TBC1D30: variants seen among roughly 807,000 people sequenced by gnomAD.
The protein encoded by TBC1D30 is TBC1 domain family member 30.
A neutral mutation model predicts 63.2 loss-of-function variants in TBC1D30; 31 were observed. That is an observed-to-expected ratio of 0.49 (90% CI 0.37 to 0.66). TBC1D30 has a LOEUF of 0.66. TBC1D30 is among the 30% of genes least tolerant of loss of function. The probability of loss-of-function intolerance (pLI) is 0.00; values close to 1 mark genes in which losing one functional copy is unlikely to be tolerated. For synonymous variants in TBC1D30, 307 were observed against 361.5 expected, an observed-to-expected ratio of 0.85 and a Z score of 1.71; for missense variants, 810 against 953.6, an observed-to-expected ratio of 0.85 and a Z score of 1.98.
At chr12:64,860,703 A>G (rs932806797) in intron 8 of TBC1D30, among the ~76,000 whole-genome samples, 3 of 152,102 alleles carry the variant, frequency 2.0e-5, no homozygotes, top group Non-Finnish European at 4.4e-5. Flanking sequence ...AAAACAAAGA[A>G]ACACTGGCTT....
chr12:64,865,555 A>G (rs1195202645), intron 9 of TBC1D30, among the ~76,000 whole-genome samples: 4 of 152,074 alleles, frequency 2.6e-5, no homozygotes, highest in Non-Finnish European at 5.9e-5. Flanking sequence ...CTAGAAATCG[A>G]TAAGAAAATG....
In TBC1D30 at chr12:64,814,058, C is replaced by CT. The variant is rs560436277; in HGVS notation, c.644-13768dup. ...TGGAATACAGGTGTTAAGGAAGGTACTTTTTTTTTGAGATAGGGTCTGGCT... is the reference window on the plus strand; with the variant it reads ...TGGAATACAGGTGTTAAGGAAGGTACTTTTTTTTTTGAGATAGGGTCTGGCT... On this transcript the variant is annotated intron_variant, in intron 2 of 12. Transcript: ENST00000542120. Among the ~76,000 whole-genome samples the CT allele has an allele frequency of 2.6e-3, 392 of 151,210 alleles. 3 individuals are homozygous for CT. Among genetic ancestry groups the CT allele is most frequent in the Non-Finnish European group, 4.5e-3 (305 of 67,680 alleles).
chr12:64,805,903 G>GATT (rs1872840532), intron 2 of TBC1D30, among the ~76,000 whole-genome samples: 1 of 152,052 alleles, frequency 6.6e-6, no homozygotes, highest in Non-Finnish European at 1.5e-5. Context: ...TAGTAAGGAG[G>GATT]ATTAATCCTA....
intron 8 of TBC1D30, among the ~76,000 whole-genome samples, chr12:64,861,532 T>C (rs17100721): frequency 0.043 from 6,517 of 152,334 alleles, 458 homozygotes; most frequent in African/African-American, 0.15. Flanking sequence ...CTTTTCTTTC[T>C]GTTCTAAGTG....
At chr12:64,852,787 G>A (rs995503311) in intron 8 of TBC1D30, among the ~76,000 whole-genome samples, 1 of 152,172 alleles carries the variant, frequency 6.6e-6, no homozygotes, top group Non-Finnish European at 1.5e-5. Context: ...GTCCACTCCA[G>A]ACCCTGTTTT....
At chr12:64,781,249 G>A in exon 1 of TBC1D30, 3 of 1,158,076 alleles carry the variant, frequency 2.6e-6, no homozygotes, top group Admixed American at 3.8e-5. Context: ...AGGAGCGACC[G>A]AGCCAGCGGC....
intron 11 of TBC1D30, among the ~76,000 whole-genome samples, chr12:64,871,621 G>A (rs765956004): frequency 6.6e-6 from 1 of 152,202 alleles, no homozygotes; most frequent in African/African-American, 2.4e-5. Context: ...TTTATCCTGA[G>A]TCATTAAGAA....
chr12:64,802,647 G>C (rs1021681119), intron 2 of TBC1D30, among the ~76,000 whole-genome samples: 1 of 151,144 alleles, frequency 6.6e-6, no homozygotes, highest in Non-Finnish European at 1.5e-5. Flanking sequence ...TCCCTCCCCC[G>C]TCCCCCACCG....
chr12:64,835,051 C>T (rs1875219395), intron 5 of TBC1D30, among the ~76,000 whole-genome samples: 1 of 152,100 alleles, frequency 6.6e-6, no homozygotes, highest in Admixed American at 6.5e-5. Context: ...GTGCTAGGTT[C>T]CTGCAAGGGT....
intron 8 of TBC1D30, 128 bp downstream of exon 8, chr12:64,843,613 A>G: frequency 1.6e-6 from 1 of 644,046 alleles, no homozygotes; most frequent in Non-Finnish European, 2.7e-6. Flanking sequence ...AAATTGACCA[A>G]GAGTCTGTTT....
intron 2 of TBC1D30, among the ~76,000 whole-genome samples, chr12:64,818,053 A>C: frequency 8.8e-6 from 1 of 114,232 alleles, no homozygotes; most frequent in Admixed American, 9.0e-5. Flanking sequence ...ACAGAGTGAG[A>C]CTCTACCAAA....
chr12:64,807,918 G>GTCATTTTTTTTTTTT (rs777402054), intron 2 of TBC1D30, among the ~76,000 whole-genome samples: 1 of 93,526 alleles, frequency 1.1e-5, no homozygotes, highest in Non-Finnish European at 1.9e-5. Context: ...CCTAATTTAA[G>GTCATTTTTTTTTTTT]TTTTTTTTTT....
intron 1 of TBC1D30, among the ~76,000 whole-genome samples, chr12:64,759,868 A>G (rs1396471908): frequency 6.6e-6 from 1 of 152,240 alleles, no homozygotes; most frequent in African/African-American, 2.4e-5. Flanking sequence ...TTAATCCCCA[A>G]GTCGACGGGC....
chr12:64,780,804 G>T (rs1230914674), exon 1 of TBC1D30: 1 of 991,454 alleles, frequency 1.0e-6, no homozygotes, highest in Non-Finnish European at 1.2e-6. Flanking sequence ...CGCGCGCCGG[G>T]GACCATGGAC....
intron 2 of TBC1D30, among the ~76,000 whole-genome samples, chr12:64,807,440 A>G (rs1872935780): frequency 6.6e-6 from 1 of 152,188 alleles, no homozygotes; most frequent in South Asian, 2.1e-4. Context: ...CACTTTTGCA[A>G]GATGAAAAGA....
intron 7 of TBC1D30, among the ~76,000 whole-genome samples, chr12:64,839,708 A>C (rs1875675466): frequency 6.6e-6 from 1 of 152,202 alleles, no homozygotes; most frequent in Non-Finnish European, 1.5e-5. Context: ...TTTGCAAAGA[A>C]AGATCCACCA....
At chr12:64,858,430 G>A (rs1021923256) in intron 8 of TBC1D30, among the ~76,000 whole-genome samples, 6 of 152,232 alleles carry the variant, frequency 3.9e-5, no homozygotes, top group African/African-American at 1.4e-4. Flanking sequence ...AGGGCCCATG[G>A]CATACTCCCT....
intron 1 of TBC1D30, among the ~76,000 whole-genome samples, chr12:64,761,207 A>T (rs1870498352): frequency 6.6e-6 from 1 of 152,252 alleles, no homozygotes; most frequent in Non-Finnish European, 1.5e-5. Context: ...TTGCACAAAA[A>T]AATAACCTAT....
At chr12:64,826,045 T>C (rs1442618730) in intron 1 of TBC1D30, among the ~76,000 whole-genome samples, 1 of 152,200 alleles carries the variant, frequency 6.6e-6, no homozygotes, top group African/African-American at 2.4e-5. Context: ...GGCTGTAGTA[T>C]TTATTCACCA....
Sources: gnomAD v4.1 joint callset for allele counts (sites outside exome capture counted in the v4.1 genomes callset) on GRCh38, gnomAD v4.1.1 for gene constraint, MANE v1.5 for transcripts, NCBI Gene and HGNC (gene_info 2026-07-23, HGNC 2026-07-21) for gene names.